Variants in ADAM2 observed in about 807,000 individuals in gnomAD.
ADAM2 encodes the protein disintegrin and metalloproteinase domain-containing protein 2.
In ADAM2, 101 loss-of-function variants were observed where a neutral mutation model predicts 99.3. The observed-to-expected ratio is 1.02, with a 90% CI of 0.87 to 1.20. The LOEUF is 1.20. Ranked by LOEUF, ADAM2 falls within the 50% of genes most tolerant of loss-of-function variation. The probability of loss-of-function intolerance (pLI) is 0.00; values close to 1 mark genes in which losing one functional copy is unlikely to be tolerated. For synonymous variants in ADAM2, 323 were observed against 287.6 expected, an observed-to-expected ratio of 1.12 and a Z score of -1.25; for missense variants, 948 against 878.7, an observed-to-expected ratio of 1.08 and a Z score of -1.00.
intron 11 of ADAM2, among the ~76,000 whole-genome samples, chr8:39,769,943 C>T (rs867746559): frequency 0.046 from 4,677 of 101,998 alleles, 107 homozygotes; most frequent in Middle Eastern, 0.093. Context: ...TCTTTTTTTT[C>T]TTTTTTCTTT....
chr8:39,746,520 A>T lies in ADAM2; in HGVS notation c.2126T>A (p.Val709Asp). ...TCTCCATTTTTTCCTTTGGAAATTAACTTTCACCATTATAGCAATCAGTAC... is the reference window on the plus strand; with the variant it reads ...TCTCCATTTTTTCCTTTGGAAATTATCTTTCACCATTATAGCAATCAGTAC... ...FCVLIAIMVK[V>D]NFQRKKWRTE... Residue 709 changes from valine (V) to aspartate (D), a missense_variant, in exon 19 of 21, where the codon GTT (valine) becomes GAT (aspartate). Val to Asp is a radical substitution (Grantham distance 152, BLOSUM62 -3). Transcript: ENST00000265708. The T allele has an allele frequency of 6.3e-7, 1 of 1,599,106 alleles. No homozygotes were observed. Among genetic ancestry groups the T allele is most frequent in the Non-Finnish European group, 8.5e-7 (1 of 1,174,906 alleles).
At chr8:39,779,204 C>T (rs139216211) in intron 10 of ADAM2, among the ~76,000 whole-genome samples, 3 of 152,132 alleles carry the variant, frequency 2.0e-5, no homozygotes, top group East Asian at 3.9e-4. Flanking sequence ...TGTGAAATTT[C>T]GCAGTTCTAG....
At chr8:39,804,875 T>G (rs1804372984) in intron 7 of ADAM2, among the ~76,000 whole-genome samples, 1 of 152,212 alleles carries the variant, frequency 6.6e-6, no homozygotes, top group African/African-American at 2.4e-5. Context: ...ACTTGCAGTA[T>G]CTTAGAGTAT....
chr8:39,755,071 A>G (rs1802093069), intron 16 of ADAM2, among the ~76,000 whole-genome samples: 1 of 152,144 alleles, frequency 6.6e-6, no homozygotes, highest in South Asian at 2.1e-4. Flanking sequence ...CATCAGTAAA[A>G]TGGGCATATA....
Position 39,749,457 on chromosome 8 carries a change from G to A in ADAM2, c.1876-7C>T, listed in dbSNP as rs575903526. 1.8e-5 allele frequency: 29 copies of A among 1,608,862 alleles called. No homozygotes were observed. In the South Asian group the frequency reaches 3.0e-4, roughly 17 times the overall value. On this transcript the variant is annotated splice_region_variant and splice_polypyrimidine_tract_variant and intron_variant, in intron 17 of 20. Transcript: ENST00000265708. ...GCTTTTTGTTATTGCATACCTAAAA[G>A]AAGGAGAAATATCACCTTATAAGAT...
intron 6 of ADAM2, among the ~76,000 whole-genome samples, chr8:39,817,645 T>C (rs990537359): frequency 6.6e-6 from 1 of 152,134 alleles, no homozygotes; most frequent in African/African-American, 2.4e-5. Context: ...AATTGTCATA[T>C]GTGATTTAAA....
At chr8:39,796,157 C>A (rs923362448) in intron 7 of ADAM2, among the ~76,000 whole-genome samples, 14 of 151,944 alleles carry the variant, frequency 9.2e-5, no homozygotes, top group African/African-American at 3.4e-4. Context: ...TGGTTTCCTA[C>A]ACCTATTGAC....
intron 6 of ADAM2, among the ~76,000 whole-genome samples, chr8:39,814,563 T>A (rs1364692215): frequency 6.6e-6 from 1 of 152,132 alleles, no homozygotes; most frequent in African/African-American, 2.4e-5. Context: ...CCATTTGCAA[T>A]ATGTATGAAT....
intron 19 of ADAM2, among the ~76,000 whole-genome samples, chr8:39,746,017 G>A (rs3035055): frequency 8.7e-5 from 13 of 150,228 alleles, no homozygotes; most frequent in South Asian, 4.2e-4. Context: ...GTGTGTGTGT[G>A]TATATATATA....
At chr8:39,744,808 T>TA (rs1563329627) in intron 20 of ADAM2, 22 bp downstream of exon 20, 2 of 1,508,434 alleles carry the variant, frequency 1.3e-6, no homozygotes, top group Non-Finnish European at 1.8e-6. Flanking sequence ...AAATAAATTT[T>TA]AAAAAAATGA....
intron 10 of ADAM2, among the ~76,000 whole-genome samples, chr8:39,778,657 T>A (rs1803094308): frequency 6.6e-6 from 1 of 151,792 alleles, no homozygotes; most frequent in African/African-American, 2.4e-5. Context: ...GAGACAGTGT[T>A]AGGAAGAAGA....
chr8:39,796,257 G>A (rs1054672967), intron 7 of ADAM2, among the ~76,000 whole-genome samples: 1 of 151,910 alleles, frequency 6.6e-6, no homozygotes, highest in Non-Finnish European at 1.5e-5. Context: ...CATTCTCAAT[G>A]TTCAGCTCCC....
intron 3 of ADAM2, among the ~76,000 whole-genome samples, chr8:39,833,029 A>G (rs1459084882): frequency 6.6e-6 from 1 of 152,152 alleles, no homozygotes; most frequent in East Asian, 1.9e-4. Context: ...TAAATACTGT[A>G]TCTGTGATGC....
In ADAM2 at chr8:39,755,926, C is replaced by A; in HGVS notation, c.1614-15G>T. On this transcript the variant is annotated splice_polypyrimidine_tract_variant and intron_variant, in intron 15 of 20. Transcript: ENST00000265708. ...ACTGCAGATTGCTATAATTTATCCA[C>A]AAATAAAAATTATTAATTTTAATTT... 2 of 1,312,764 alleles carry A rather than the reference C, an allele frequency of 1.5e-6. No individual in the cohort carries two copies. The highest frequency in any genetic ancestry group is 1.1e-6 in the Non-Finnish European group (1 of 945,796). The allele number at this position is 1,312,764 out of a possible 1,614,324, so 81.3% of individuals were successfully genotyped here.
intron 15 of ADAM2, among the ~76,000 whole-genome samples, chr8:39,758,384 TGAAA>T (rs1802230037): frequency 1.3e-5 from 2 of 151,906 alleles, no homozygotes; most frequent in Admixed American, 6.6e-5. Flanking sequence ...TTATATGTAA[TGAAA>T]GAGAGAGACA....
chr8:39,838,173 A>T lies in ADAM2; in HGVS notation c.13T>A (p.Leu5Met), dbSNP rs760212635. The stretch of plus-strand genomic sequence containing the variant: ...CCGCCGAGCCCGCTGAGCAGAAACA[A>T]GACGCGCCACATGGCTTGAAGTCCT... MWRV[L>M]FLLSGLGGLR... Residue 5 changes from leucine (L) to methionine (M), a missense_variant, in exon 1 of 21, where the codon TTG (leucine) becomes ATG (methionine). Leu to Met is a conservative substitution (Grantham distance 15). Transcript: ENST00000265708. The T allele has an allele frequency of 6.2e-7, 1 of 1,614,186 alleles. No individual in the cohort carries two copies. Among genetic ancestry groups the T allele is most frequent in the Non-Finnish European group, 8.5e-7 (1 of 1,180,042 alleles).
intron 7 of ADAM2, among the ~76,000 whole-genome samples, chr8:39,789,087 T>G (rs927572734): frequency 6.6e-6 from 1 of 151,552 alleles, no homozygotes; most frequent in African/African-American, 2.4e-5. Context: ...ATAGTACATT[T>G]TTGAAGATAC....
chr8:39,764,622 A>G (rs1802491606), intron 14 of ADAM2, among the ~76,000 whole-genome samples: 1 of 152,148 alleles, frequency 6.6e-6, no homozygotes, highest in African/African-American at 2.4e-5. Flanking sequence ...CTCACAATAA[A>G]GCTTTCTCTT....
intron 10 of ADAM2, among the ~76,000 whole-genome samples, chr8:39,779,755 A>C (rs1303207679): frequency 6.6e-6 from 1 of 152,158 alleles, no homozygotes; most frequent in African/African-American, 2.4e-5. Flanking sequence ...CATCAGACTG[A>C]GAAATTTGTA....
Sources: gnomAD v4.1 joint callset for allele counts (sites outside exome capture counted in the v4.1 genomes callset) on GRCh38, gnomAD v4.1.1 for gene constraint, MANE v1.5 for transcripts, NCBI Gene and HGNC (gene_info 2026-07-23, HGNC 2026-07-21) for gene names.